GABRA6: variants seen among roughly 807,000 people sequenced by gnomAD.
GABRA6 encodes gamma-aminobutyric acid receptor subunit alpha-6.
A neutral mutation model predicts 47.3 loss-of-function variants in GABRA6; 45 were observed. That is an observed-to-expected ratio of 0.95 (90% CI 0.75 to 1.22). The LOEUF (loss-of-function observed/expected upper bound fraction) is 1.22. Among genes scored for constraint, GABRA6 ranks in the 50% most tolerant of loss-of-function variants. The pLI is 0.00. For missense variants in GABRA6, 583 were observed against 549.3 expected, an observed-to-expected ratio of 1.06 and a Z score of -0.61; for synonymous variants, 219 against 194.7, an observed-to-expected ratio of 1.12 and a Z score of -1.04.
At chr5:161,692,673 T>A (rs2113076725) in intron 8 of GABRA6, among the ~76,000 whole-genome samples, 1 of 152,344 alleles carries the variant, frequency 6.6e-6, no homozygotes, top group Non-Finnish European at 1.5e-5. Context: ...GAATAATAGA[T>A]TCTCTGAATG....
rs142468532 is a variant in GABRA6 at position 161,701,663 on chromosome 5, G to C, written c.1252G>C (p.Asp418His). The change falls in exon 9 of 9, where the codon GAC becomes CAC. Residue 418 changes from aspartate (D) to histidine (H), a missense_variant. Transcript: ENST00000274545. ...SPAFGGTSKI[D>H]QYSRILFPVA... ...AGCCTTTGGAGGCACCAGTAAAATA[G>C]ACCAGTATTCTCGAATTCTCTTCCC... 7.1e-5 allele frequency: 115 copies of C among 1,614,020 alleles called. No homozygotes were observed. Among genetic ancestry groups the C allele is most frequent in the Non-Finnish European group, 9.3e-5 (110 of 1,180,034 alleles).
chr5:161,697,120 C>T (rs758805625), intron 8 of GABRA6, among the ~76,000 whole-genome samples: 21 of 152,190 alleles, frequency 1.4e-4, no homozygotes, highest in Non-Finnish European at 2.8e-4. Context: ...CAAAGCAGCG[C>T]TCTATAAATA....
At position 161,701,732 on chromosome 5, in the gene GABRA6, C is replaced by T. The variant is rs754535981; in HGVS notation, c.1321C>T (p.Leu441Phe). The T allele has an allele frequency of 5.0e-6, 8 of 1,614,038 alleles. No individual in the cohort carries two copies. In the South Asian group the frequency reaches 8.8e-5, roughly 18 times the overall value. The change falls in exon 9 of 9, where the codon CTT (leucine) becomes TTT (phenylalanine). Residue 441 changes from leucine to phenylalanine, a missense_variant. By Grantham distance (22) the Leu-to-Phe change is conservative. Transcript: ENST00000274545. ...CAACCTTGTGTACTGGGTAGTTTAT[C>T]TTTCCAAAGATACAATGGAAGTCAG... ...GFNLVYWVVY[L>F]SKDTMEVSSS...
rs1455285391 is a variant in GABRA6, at chr5:161,701,976, A to C, written c.*203A>C. On this transcript the variant is annotated 3_prime_UTR_variant, in exon 9 of 9. Transcript: ENST00000274545. ...AATAGAAAGTTGAAGATTGCTGAAA[A>C]ATATGACTTTTCTGTATGTTAGAGA... The C allele has an allele frequency of 1.7e-6, 1 of 596,184 alleles. No individual in the cohort carries two copies. The highest frequency in any genetic ancestry group is 2.9e-6 in the Non-Finnish European group (1 of 340,824). 36.9% of individuals were successfully genotyped at this position (596,184 alleles called of 1,614,324 possible).
chr5:161,700,067 G>A (rs1334620315), intron 8 of GABRA6, among the ~76,000 whole-genome samples: 1 of 152,198 alleles, frequency 6.6e-6, no homozygotes, highest in Non-Finnish European at 1.5e-5. Flanking sequence ...TAGATACCCA[G>A]TAAGTTTCAT....
rs200968260 is a variant in GABRA6, at chr5:161,689,769, A to G, written c.663A>G (p.Lys221=). Residue 221 remains lysine (K), a synonymous_variant, in exon 6 of 9, where the codon AAA becomes AAG. Transcript: ENST00000274545. ...IGQTVSSETI[K]SNTGEYVIMT... ...AAACAGTATCTAGTGAGACAATTAA[A>G]TCTAACACAGGTAAGAATTTGACCA... 2 of 1,613,164 alleles carry G rather than the reference A, an allele frequency of 1.2e-6. No homozygotes were observed. Among genetic ancestry groups the G allele is most frequent in the African/African-American group, 1.3e-5 (1 of 75,028 alleles).
chr5:161,700,034 T>G (rs1754953560), intron 8 of GABRA6, among the ~76,000 whole-genome samples: 1 of 152,190 alleles, frequency 6.6e-6, no homozygotes, highest in Non-Finnish European at 1.5e-5. Flanking sequence ...GAATTTAAGC[T>G]CTCTGCAATA....
chr5:161,689,794 AAAGGATGG>A lies in GABRA6; in HGVS notation c.673+18_673+25del. 6.2e-7 allele frequency: 1 copy of A among 1,608,706 alleles called. No individual in the cohort carries two copies. Among genetic ancestry groups the A allele is most frequent in the Non-Finnish European group, 8.5e-7 (1 of 1,175,224 alleles). ...ATCTAACACAGGTAAGAATTTGACC[AAAGGATGG>A]AAATAATCCCTCAGGATGACTCCAG... On this transcript the variant is annotated intron_variant, in intron 6 of 8. Transcript: ENST00000274545.
At chr5:161,692,256 T>C in intron 8 of GABRA6, 56 bp downstream of exon 8, 2 of 1,608,130 alleles carry the variant, frequency 1.2e-6, no homozygotes, top group African/African-American at 1.3e-5. Flanking sequence ...GCCTAAATAG[T>C]GATCAGAAAC....
At chr5:161,690,046 C>A (rs1338748391) in intron 6 of GABRA6, 155 bp from the exon 7 acceptor site, 14 of 749,218 alleles carry the variant, frequency 1.9e-5, no homozygotes, top group African/African-American at 3.5e-5. Flanking sequence ...GCTCTATCAT[C>A]TGCTGATCAA....
intron 3 of GABRA6, 105 bp from the exon 4 acceptor site, chr5:161,688,843 AG>A: frequency 1.1e-6 from 1 of 881,968 alleles, no homozygotes; most frequent in South Asian, 1.4e-5. Context: ...TGCGATAAAA[AG>A]TTGCTTTATT....
At chr5:161,687,464 A>ATGC (rs754444843) in intron 3 of GABRA6, 2 of 453,070 alleles carry the variant, frequency 4.4e-6, no homozygotes, top group South Asian at 3.1e-5. Flanking sequence ...GGAAAGGCTG[A>ATGC]TGCTCTCCAC....
intron 8 of GABRA6, among the ~76,000 whole-genome samples, chr5:161,694,349 C>T (rs1390288086): frequency 6.6e-6 from 1 of 151,028 alleles, no homozygotes; most frequent in Non-Finnish European, 1.5e-5. Flanking sequence ...AAAAAGGATC[C>T]ATTTTGAATA....
intron 7 of GABRA6, among the ~76,000 whole-genome samples, 175 bp downstream of exon 7, chr5:161,690,528 G>A (rs1266173663): frequency 1.3e-5 from 2 of 152,086 alleles, no homozygotes; most frequent in East Asian, 3.8e-4. Flanking sequence ...CAAATTGTGT[G>A]ATGAATCAAA....
Position 161,689,718 on chromosome 5 carries a change from C to G in GABRA6, c.612C>G (p.Ser204Arg). 1 of 1,611,594 alleles carries G rather than the reference C, an allele frequency of 6.2e-7. No homozygotes were observed. Among genetic ancestry groups the G allele is most frequent in the East Asian group, 2.2e-5 (1 of 44,806 alleles). ...YSVEVPEESS[S>R]LLQYDLIGQT... ...TAGAAGTCCCAGAAGAATCTTCAAGCCTTCTCCAGTATGATCTGATTGGAC... is the reference window on the plus strand; with the variant it reads ...TAGAAGTCCCAGAAGAATCTTCAAGGCTTCTCCAGTATGATCTGATTGGAC... Residue 204 changes from serine to arginine, a missense_variant, in exon 6 of 9, where the codon AGC (serine) becomes AGG (arginine). Transcript: ENST00000274545.
chr5:161,687,017 A>C lies in GABRA6; in HGVS notation c.225+14A>C, dbSNP rs766460382. ...GATGTGGAGATGGTGAGTAAGTTCT[A>C]AGTGAGTTGGGTGTTTTCATTTCGG... On this transcript the variant is annotated intron_variant, in intron 3 of 8. Transcript: ENST00000274545. The C allele has an allele frequency of 6.2e-7, 1 of 1,611,838 alleles. No individual in the cohort carries two copies. Among genetic ancestry groups the C allele is most frequent in the South Asian group, 1.1e-5 (1 of 91,054 alleles).
Position 161,701,652 on chromosome 5 carries a change from C to T in GABRA6, c.1241C>T (p.Thr414Ile), listed in dbSNP as rs1754984314. The T allele has an allele frequency of 6.2e-7, 1 of 1,614,146 alleles. No individual in the cohort carries two copies. Among genetic ancestry groups the T allele is most frequent in the Non-Finnish European group, 8.5e-7 (1 of 1,180,016 alleles). ...CCACTCTCGCCAGCCTTTGGAGGCA[C>T]CAGTAAAATAGACCAGTATTCTCGA... ...PPPLSPAFGG[T>I]SKIDQYSRIL... is the part of the protein sequence containing the mutation. The change falls in exon 9 of 9, where the codon ACC (threonine) becomes ATC (isoleucine). Residue 414 changes from threonine to isoleucine, a missense_variant. Coordinates refer to ENST00000274545, the MANE Select transcript of GABRA6 (RefSeq NM_000811.3).
intron 8 of GABRA6, among the ~76,000 whole-genome samples, chr5:161,700,446 G>A (rs1357077387): frequency 1.3e-5 from 2 of 152,226 alleles, no homozygotes; most frequent in African/African-American, 4.8e-5. Flanking sequence ...ATAGGAATCA[G>A]AGGAGGGCCC....
intron 8 of GABRA6, among the ~76,000 whole-genome samples, chr5:161,695,502 A>C (rs1754871775): frequency 6.6e-6 from 1 of 152,180 alleles, no homozygotes; most frequent in African/African-American, 2.4e-5. Context: ...GAGCCTATTA[A>C]CATGTCTGGA....
Sources: allele counts gnomAD v4.1 joint callset (sites outside exome capture counted in the v4.1 genomes callset), GRCh38; gene constraint gnomAD v4.1.1; transcripts MANE v1.5; gene names NCBI Gene and HGNC (gene_info 2026-07-23, HGNC 2026-07-21).